The following FAM131A variants were observed in gnomAD, a reference collection of about 807,000 sequenced individuals.
FAM131A encodes the protein family with sequence similarity 131 member A.
In FAM131A, 24 loss-of-function variants were observed where a neutral mutation model predicts 39.2. The observed-to-expected ratio is 0.61, with a 90% CI of 0.44 to 0.86. The LOEUF is 0.86. Among genes scored for constraint, FAM131A ranks in the 40% least tolerant of loss-of-function variants. The probability of loss-of-function intolerance (pLI) is 0.00; values close to 1 mark genes in which losing one functional copy is unlikely to be tolerated. For synonymous variants in FAM131A, 202 were observed against 206.8 expected, an observed-to-expected ratio of 0.98 and a Z score of 0.20; for missense variants, 373 against 481.2, an observed-to-expected ratio of 0.78 and a Z score of 2.10.
chr3:184,345,604 T>A lies in FAM131A; in HGVS notation c.*634T>A. 1.4e-6 allele frequency: 1 copy of A among 702,900 alleles called. No individual in the cohort carries two copies. The highest frequency in any genetic ancestry group is 2.6e-6 in the Non-Finnish European group (1 of 384,880). The allele number at this position is 702,900 out of a possible 1,614,324, so 43.5% of individuals were successfully genotyped here. On this transcript the variant is annotated 3_prime_UTR_variant, in exon 6 of 6. Transcript: ENST00000383847. ...TTTGGTCTGTTTTTTCAGTCGGATCTTCTCTTCTCTGGGAGGCTTTGGAAT... is the reference window on the plus strand; with the variant it reads ...TTTGGTCTGTTTTTTCAGTCGGATCATCTCTTCTCTGGGAGGCTTTGGAAT...
chr3:184,338,699 C>G, intron 2 of FAM131A, 170 bp downstream of exon 2: 2 of 796,926 alleles, frequency 2.5e-6, no homozygotes, highest in Non-Finnish European at 3.8e-6. Flanking sequence ...CTCTGCTCGG[C>G]GCTGTGCCAG....
chr3:184,337,733 C>T lies in FAM131A; in HGVS notation c.88+15C>T. ...AAGTCGCAGAGGTGAGACCAGGGAT[C>T]ATGGATGTGATCTGGGAGATGATGG... is the stretch of plus-strand genomic sequence containing the variant. On this transcript the variant is annotated intron_variant, in intron 1 of 5. Transcript: ENST00000383847. 1 of 1,536,466 alleles carries T rather than the reference C, an allele frequency of 6.5e-7. No individual in the cohort carries two copies.
intron 2 of FAM131A, chr3:184,341,079 G>A (rs1432052429): frequency 6.4e-6 from 1 of 155,310 alleles, no homozygotes; most frequent in Non-Finnish European, 1.4e-5. Context: ...AAAGGGCAAT[G>A]GCAGTAGCAG....
chr3:184,338,740 C>A (rs1727239848), intron 2 of FAM131A: 2 of 552,406 alleles, frequency 3.6e-6, no homozygotes, highest in South Asian at 2.3e-5. Context: ...TCCGCGCTGA[C>A]GTCAGCGCAT....
chr3:184,342,033 T>C lies in FAM131A; in HGVS notation c.326-33T>C, dbSNP rs1353751086. On this transcript the variant is annotated intron_variant, in intron 3 of 5. Transcript: ENST00000383847. This position sits in a 1 kb window ranked among gnomAD's most constrained non-coding sequence, Gnocchi z 4.6. ...CACCTGTGCTCCCTGGCCTGGTCCT[T>C]TACCAGGCTTCTCCACCCTCCCCTA... is the stretch of plus-strand genomic sequence containing the variant. The C allele has an allele frequency of 6.2e-7, 1 of 1,613,200 alleles. No individual in the cohort carries two copies. Among genetic ancestry groups the C allele is most frequent in the Non-Finnish European group, 8.5e-7 (1 of 1,179,136 alleles).
intron 2 of FAM131A, chr3:184,339,456 A>G (rs1371701341): frequency 6.6e-6 from 1 of 152,054 alleles, no homozygotes; most frequent in African/African-American, 2.4e-5. Context: ...TTTGTTATTT[A>G]TTTTTATGTA....
At position 184,344,886 on chromosome 3, in the gene FAM131A, G is replaced by A. The variant is rs374349895; in HGVS notation, c.1017G>A (p.Trp339Ter). 6.2e-7 allele frequency: 1 copy of A among 1,609,936 alleles called. No individual in the cohort carries two copies. Among genetic ancestry groups the A allele is most frequent in the Non-Finnish European group, 8.5e-7 (1 of 1,179,822 alleles). ...TCTGCCCACCACTAACGGGCAGCTGGGAACGGCAGCGGCAAGCCTCTGACC... is the reference window on the plus strand; with the variant it reads ...TCTGCCCACCACTAACGGGCAGCTGAGAACGGCAGCGGCAAGCCTCTGACC... ...QPLCPPLTGS[W>*]ERQRQASDLA... Residue 339 changes from tryptophan to a stop codon, truncating the protein, a stop_gained, in exon 6 of 6, where the codon TGG becomes TGA. Transcript: ENST00000383847. LOFTEE classifies it high-confidence loss of function.
chr3:184,342,346 C>A lies in FAM131A; in HGVS notation c.508+98C>A, dbSNP rs543453994. 2.1e-6 allele frequency: 3 copies of A among 1,400,470 alleles called. No individual in the cohort carries two copies. The African/African-American group carries it at 4.3e-5, about 20-fold the overall frequency. The allele number at this position is 1,400,470 out of a possible 1,614,324, so 86.8% of individuals were successfully genotyped here. A position where few individuals can be genotyped will look rare whatever the true frequency, so the allele number is the denominator to read the frequency against. On this transcript the variant is annotated intron_variant, in intron 4 of 5. Coordinates refer to ENST00000383847, the MANE Select transcript of FAM131A (RefSeq NM_144635.5). The surrounding 1 kb of genome is among the most constrained non-coding windows in gnomAD (Gnocchi z 4.6). The stretch of plus-strand genomic sequence containing the variant: ...TTTTTGAGACGGAGTCTCACTCTGT[C>A]GCCCAGGCTGGAGTGCAGTGATGCA...
intron 1 of FAM131A, 127 bp downstream of exon 1, chr3:184,337,845 G>C: frequency 2.2e-6 from 2 of 926,670 alleles, no homozygotes; most frequent in Non-Finnish European, 3.3e-6. Flanking sequence ...GGAGAACCAG[G>C]CTGGGGCCAG....
chr3:184,341,301 C>T (rs936646258), intron 2 of FAM131A: 4 of 218,746 alleles, frequency 1.8e-5, no homozygotes, highest in South Asian at 6.8e-5. Context: ...TCCATCTTGC[C>T]GAGTCTGCCG....
intron 2 of FAM131A, 171 bp downstream of exon 2, chr3:184,338,700 G>A: frequency 1.3e-6 from 1 of 783,810 alleles, no homozygotes; most frequent in Non-Finnish European, 1.9e-6. Flanking sequence ...TCTGCTCGGC[G>A]CTGTGCCAGC....
At chr3:184,337,592 G>C (rs779126703), upstream of FAM131A, 1 of 1,526,704 alleles carries the variant, frequency 6.6e-7, no homozygotes, top group African/African-American at 1.4e-5. Flanking sequence ...AGCCTGGAGC[G>C]GTTCTGGGCT....
Position 184,345,790 on chromosome 3 carries a change from G to A in FAM131A, c.*820G>A. On this transcript the variant is annotated 3_prime_UTR_variant, in exon 6 of 6. Transcript: ENST00000383847. ...CTGAGCGGGAGGTGGAAGAAAGGAT[G>A]GCTCTGGTTGCCACAGAGCTGGGAC... 1 of 577,746 alleles carries A rather than the reference G, an allele frequency of 1.7e-6. No homozygotes were observed. Among genetic ancestry groups the A allele is most frequent in the East Asian group, 3.0e-5 (1 of 33,748 alleles). The allele number at this position is 577,746 out of a possible 1,614,324, so 35.8% of individuals were successfully genotyped here.
chr3:184,342,661 C>G lies in FAM131A; in HGVS notation c.509-83C>G. On this transcript the variant is annotated intron_variant, in intron 4 of 5. Coordinates refer to ENST00000383847, the MANE Select transcript of FAM131A (RefSeq NM_144635.5). The surrounding 1 kb of genome is among the most constrained non-coding windows in gnomAD (Gnocchi z 4.6). ...CATGGGGGTTGGAGTCTTCCCATACCCTGTTTCTCCTCTCTCCTGTCTTCA... is the reference window on the plus strand; with the variant it reads ...CATGGGGGTTGGAGTCTTCCCATACGCTGTTTCTCCTCTCTCCTGTCTTCA... 4 of 1,252,482 alleles carry G rather than the reference C, an allele frequency of 3.2e-6. No homozygotes were observed. Among genetic ancestry groups the G allele is most frequent in the Non-Finnish European group, 4.6e-6 (4 of 876,712 alleles). 77.6% of individuals were successfully genotyped at this position (1,252,482 alleles called of 1,614,324 possible).
At position 184,338,548 on chromosome 3, in the gene FAM131A, TG is replaced by T; in HGVS notation, c.231+25del. The T allele has an allele frequency of 2.6e-6, 4 of 1,535,024 alleles. No homozygotes were observed. Among genetic ancestry groups the T allele is most frequent in the Middle Eastern group, 3.4e-4 (2 of 5,970 alleles). ...GCCAGAGGTGCTGGGCCCCTGGTGG[TG>T]GGGGGAAGGAGGACGTCATCCATAT... is the stretch of plus-strand genomic sequence containing the variant. On this transcript the variant is annotated intron_variant, in intron 2 of 5. Coordinates refer to ENST00000383847, the MANE Select transcript of FAM131A (RefSeq NM_144635.5).
At chr3:184,341,092 G>A in intron 2 of FAM131A, 1 of 155,422 alleles carries the variant, frequency 6.4e-6, no homozygotes, top group Non-Finnish European at 1.4e-5. Flanking sequence ...AGTAGCAGTA[G>A]AAAGGACAGG....
intron 2 of FAM131A, 118 bp downstream of exon 2, chr3:184,338,647 C>A (rs938957742): frequency 7.2e-7 from 1 of 1,395,470 alleles, no homozygotes; most frequent in African/African-American, 1.5e-5. Flanking sequence ...GGCGGAGGCG[C>A]TATCCGGCGG....
intron 2 of FAM131A, chr3:184,340,508 G>A (rs1247051955): frequency 6.6e-6 from 1 of 151,066 alleles, no homozygotes; most frequent in Non-Finnish European, 1.5e-5. Context: ...TGTATTTTTA[G>A]TAGAGACGGG....
chr3:184,344,822 C>T lies in FAM131A; in HGVS notation c.953C>T (p.Ala318Val), dbSNP rs748776023. The stretch of plus-strand genomic sequence containing the variant: ...CTCACAGAGTCCTGCCTTTCCCCCG[C>T]GGAGGAGGAGCCAGCCCCCTGCAAG... ...SPLTESCLSP[A>V]EEEPAPCKDC... The change falls in exon 6 of 6, where the codon GCG becomes GTG. Residue 318 changes from alanine (A) to valine (V), a missense_variant. By Grantham distance (64) the Ala-to-Val change is moderately conservative (BLOSUM62 0). Coordinates refer to ENST00000383847, the MANE Select transcript of FAM131A (RefSeq NM_144635.5). 1.3e-5 allele frequency: 21 copies of T among 1,611,850 alleles called. No individual in the cohort carries two copies. Among genetic ancestry groups the T allele is most frequent in the South Asian group, 5.5e-5 (5 of 91,088 alleles).
Sources: allele counts gnomAD v4.1 joint callset, GRCh38; gene constraint gnomAD v4.1.1; non-coding constraint Gnocchi (gnomAD v3.1); transcripts MANE v1.5; gene names NCBI Gene and HGNC (gene_info 2026-07-23, HGNC 2026-07-21).